The following PDCD4 variants were observed in gnomAD, a reference collection of about 807,000 sequenced individuals.
PDCD4 encodes programmed cell death 4, also known as programmed cell death protein 4.
In PDCD4, 56 loss-of-function variants were observed where a neutral mutation model predicts 54.0. The ratio of observed to expected loss-of-function variants is 1.04; its 90% CI spans 0.84 to 1.30. The LOEUF is 1.30. Ranked by LOEUF, PDCD4 falls within the 50% of genes most tolerant of loss-of-function variation. The pLI is 0.00. For synonymous variants in PDCD4, 186 were observed against 194.8 expected, an observed-to-expected ratio of 0.95 and a Z score of 0.37; for missense variants, 584 against 559.8, an observed-to-expected ratio of 1.04 and a Z score of -0.44.
intron 3 of PDCD4, 69 bp from the exon 4 acceptor site, chr10:110,882,934 A>G (rs1269511092): frequency 1.0e-6 from 1 of 987,098 alleles, no homozygotes; most frequent in Non-Finnish European, 1.6e-6. Context: ...ACATCGGAAC[A>G]TTTTATTTTA....
At chr10:110,874,373 C>T (rs187054601) in intron 1 of PDCD4, among the ~76,000 whole-genome samples, 47 of 152,192 alleles carry the variant, frequency 3.1e-4, no homozygotes, top group Middle Eastern at 3.4e-3. Flanking sequence ...AACTGAAACA[C>T]GTATCATATG....
At position 110,889,601 on chromosome 10, in the gene PDCD4, C is replaced by T. The variant is rs773896981; in HGVS notation, c.846C>T (p.Tyr282=). The T allele has an allele frequency of 6.2e-7, 1 of 1,601,770 alleles. No individual in the cohort carries two copies. The highest frequency in any genetic ancestry group is 1.7e-5 in the Admixed American group (1 of 59,818). Residue 282 remains tyrosine (Y), a synonymous_variant, in exon 7 of 12, where the codon TAC becomes TAT. Transcript: ENST00000280154. ...TATGTAATACCTATATTGATAGTTACAAAGGAACTGTAGATTGTGTGCAGG... is the reference window on the plus strand; with the variant it reads ...TATGTAATACCTATATTGATAGTTATAAAGGAACTGTAGATTGTGTGCAGG... The part of the protein sequence containing the change: ...GILCNTYIDS[Y]KGTVDCVQAR...
rs769420708 is a variant in PDCD4, at chr10:110,887,887, G to T, written c.777+1G>T. On this transcript the variant is annotated splice_donor_variant, in intron 6 of 11. Transcript: ENST00000280154. LOFTEE classifies it high-confidence loss of function. The stretch of plus-strand genomic sequence containing the variant: ...ACTGGATACTCCTAGAGCACCACAG[G>T]TTTGTATGATTCTTCTTTTTGTTCA... 6 of 1,575,316 alleles carry T rather than the reference G, an allele frequency of 3.8e-6. No homozygotes were observed. Among genetic ancestry groups the T allele is most frequent in the South Asian group, 1.1e-5 (1 of 90,140 alleles).
chr10:110,890,446 A>T, intron 7 of PDCD4, 110 bp from the exon 8 acceptor site: 1 of 480,962 alleles, frequency 2.1e-6, no homozygotes, highest in Middle Eastern at 4.4e-4. Flanking sequence ...TTTTGCTTTT[A>T]TGTTATGTGA....
intron 2 of PDCD4, among the ~76,000 whole-genome samples, chr10:110,879,610 A>G (rs1012272756): frequency 1.3e-5 from 2 of 150,272 alleles, no homozygotes; most frequent in Non-Finnish European, 3.0e-5. Flanking sequence ...CTGAGATTGC[A>G]CCACTGCACT....
At chr10:110,882,651 T>C (rs180866408) in intron 3 of PDCD4, among the ~76,000 whole-genome samples, 8 of 152,318 alleles carry the variant, frequency 5.3e-5, no homozygotes, top group African/African-American at 1.4e-4. Context: ...AGAATGTTTC[T>C]TTTTGTCTTA....
intron 2 of PDCD4, among the ~76,000 whole-genome samples, chr10:110,877,652 A>C (rs900113545): frequency 6.6e-5 from 10 of 152,104 alleles, no homozygotes; most frequent in African/African-American, 2.4e-4. Flanking sequence ...CCTAGTTCTA[A>C]CCCTGTTCTT....
chr10:110,877,420 G>A (rs887532429), intron 2 of PDCD4, among the ~76,000 whole-genome samples: 5 of 152,140 alleles, frequency 3.3e-5, no homozygotes, highest in African/African-American at 1.2e-4. Flanking sequence ...GAGTTGAGAT[G>A]AAGGTCAACT....
Position 110,889,602 on chromosome 10 carries a change from A to G in PDCD4, c.847A>G (p.Lys283Glu). 6 of 1,601,886 alleles carry G rather than the reference A, an allele frequency of 3.7e-6. No homozygotes were observed. The highest frequency in any genetic ancestry group is 5.1e-6 in the Non-Finnish European group (6 of 1,169,206). ...ATGTAATACCTATATTGATAGTTAC[A>G]AAGGAACTGTAGATTGTGTGCAGGC... ...ILCNTYIDSY[K>E]GTVDCVQARA... Residue 283 changes from lysine (K) to glutamate (E), a missense_variant, in exon 7 of 12, where the codon AAA becomes GAA. Physicochemically the swap from Lys to Glu is moderately conservative, Grantham distance 56 (BLOSUM62 1). Transcript: ENST00000280154.
In PDCD4 at chr10:110,887,532, G is replaced by T. The variant is rs915388857; in HGVS notation, c.556-133G>T. ...ATCCTATCTTCTAAAACATGACTGG[G>T]TCTTTTGATTATTTCCAAAGAGTGA... On this transcript the variant is annotated intron_variant, in intron 5 of 11. Transcript: ENST00000280154. 5 of 608,110 alleles carry T rather than the reference G, an allele frequency of 8.2e-6. No individual in the cohort carries two copies. The African/African-American group carries it at 9.3e-5, about 11-fold the overall frequency. 37.7% of individuals were successfully genotyped at this position (608,110 alleles called of 1,614,324 possible). A position where few individuals can be genotyped will look rare whatever the true frequency, so the allele number is the denominator to read the frequency against.
intron 7 of PDCD4, among the ~76,000 whole-genome samples, chr10:110,890,149 C>T (rs1349309242): frequency 6.6e-6 from 1 of 152,110 alleles, no homozygotes; most frequent in African/African-American, 2.4e-5. Context: ...TTCTTAACTT[C>T]TTGGAGACTT....
chr10:110,887,956 C>A, intron 6 of PDCD4, 70 bp downstream of exon 6: 1 of 1,027,698 alleles, frequency 9.7e-7, no homozygotes, highest in South Asian at 1.5e-5. Flanking sequence ...ATAATGTATA[C>A]TCCTAGGAAA....
chr10:110,888,859 A>G (rs1845710213), intron 6 of PDCD4, among the ~76,000 whole-genome samples: 1 of 152,144 alleles, frequency 6.6e-6, no homozygotes. Flanking sequence ...CTATTTCTAT[A>G]CAACTTTTTT....
intron 1 of PDCD4, among the ~76,000 whole-genome samples, chr10:110,874,035 A>G (rs1845464633): frequency 1.3e-5 from 2 of 152,198 alleles, no homozygotes; most frequent in Non-Finnish European, 1.5e-5. Flanking sequence ...CCTGTGGGAT[A>G]TTAAAATTTT....
rs1192297207 is a variant in PDCD4, at chr10:110,896,087, G to A, written c.1349G>A (p.Arg450Lys). 4 of 1,592,418 alleles carry A rather than the reference G, an allele frequency of 2.5e-6. No homozygotes were observed. The highest frequency in any genetic ancestry group is 3.4e-6 in the Non-Finnish European group (4 of 1,171,082). Residue 450 changes from arginine (R) to lysine (K), a missense_variant and splice_region_variant, in exon 11 of 12, where the codon AGG becomes AAG. Transcript: ENST00000280154. ...SKQLRDLCPS[R>K]GRKRFVSEGD... is the part of the protein sequence containing the mutation. Reference sequence around the variant, plus strand: ...CAACTCAGAGATCTTTGTCCTTCAAGGTACTTTATTTAAATACTACTTTCT... The same window carrying A: ...CAACTCAGAGATCTTTGTCCTTCAAAGTACTTTATTTAAATACTACTTTCT...
At chr10:110,875,918 TC>T in intron 1 of PDCD4, 47 bp from the exon 2 acceptor site, 1 of 773,564 alleles carries the variant, frequency 1.3e-6, no homozygotes, top group Non-Finnish European at 2.1e-6. Flanking sequence ...CTTAATTACA[TC>T]AGTTTAAAAG....
chr10:110,876,902 T>A (rs1020474548), intron 2 of PDCD4: 4 of 378,590 alleles, frequency 1.1e-5, no homozygotes, highest in Admixed American at 4.6e-5. Flanking sequence ...TTTATTAATA[T>A]TGAAAGCTAT....
At chr10:110,876,647 T>C (rs978923458) in intron 2 of PDCD4, 1 of 773,856 alleles carries the variant, frequency 1.3e-6, no homozygotes, top group Non-Finnish European at 1.8e-6. Flanking sequence ...TAACAAATAA[T>C]TTTTATATTC....
Position 110,899,551 on chromosome 10 carries a change from A to G in PDCD4, c.*1463A>G, listed in dbSNP as rs1256381142. The G allele has an allele frequency of 6.6e-6, 1 of 152,308 alleles. No individual in the cohort carries two copies. The highest frequency in any genetic ancestry group is 1.9e-4 in the East Asian group (1 of 5,202). The allele number at this position is 152,308 out of a possible 1,614,324, so 9.4% of individuals were successfully genotyped here. ...GGTGGCTCATGCCTGTAATCCCAGC[A>G]CTTTGGGAGGCCGAGGTGGGCGGAT... On this transcript the variant is annotated 3_prime_UTR_variant, in exon 12 of 12. Coordinates refer to ENST00000280154, the MANE Select transcript of PDCD4 (RefSeq NM_014456.5).
Sources: gnomAD v4.1 joint callset for allele counts (sites outside exome capture counted in the v4.1 genomes callset) on GRCh38, gnomAD v4.1.1 for gene constraint, MANE v1.5 for transcripts, NCBI Gene and HGNC (gene_info 2026-07-23, HGNC 2026-07-21) for gene names.